Variants in BCL2 observed in about 807,000 individuals in gnomAD.
BCL2 encodes the protein apoptosis regulator Bcl-2.
Under a neutral mutation model 14.2 loss-of-function variants are expected in BCL2, and 1 was observed. That is an observed-to-expected ratio of 0.07 (90% CI 0.02 to 0.33). The LOEUF is 0.33. Among genes scored for constraint, BCL2 ranks in the 10% least tolerant of loss-of-function variants. The pLI is 0.99. For synonymous variants in BCL2, 151 were observed against 137.2 expected (o/e 1.10, Z -0.70); for missense variants, 247 against 305.9 (o/e 0.81, Z 1.44).
At chr18:63,287,494 G>C (rs1055304566) in intron 2 of BCL2, among the ~76,000 whole-genome samples, 2 of 152,144 alleles carry the variant, frequency 1.3e-5, no homozygotes, top group East Asian at 1.9e-4. Flanking sequence ...TAAGGGTTAG[G>C]GGGTGGCGGG....
intron 2 of BCL2, among the ~76,000 whole-genome samples, chr18:63,144,238 T>C (rs1914449234): frequency 6.6e-6 from 1 of 152,170 alleles, no homozygotes; most frequent in African/African-American, 2.4e-5. Flanking sequence ...AATCCAACCA[T>C]AGGCAAACCA....
chr18:63,243,687 C>T (rs1264420551), intron 2 of BCL2, among the ~76,000 whole-genome samples: 6 of 152,190 alleles, frequency 3.9e-5, no homozygotes, highest in Admixed American at 1.3e-4. Context: ...ATGGAGAACA[C>T]CTGATCTCCA....
intron 2 of BCL2, among the ~76,000 whole-genome samples, chr18:63,207,300 C>T (rs1909864146): frequency 6.6e-6 from 1 of 152,166 alleles, no homozygotes; most frequent in Non-Finnish European, 1.5e-5. Flanking sequence ...TGTACAGATC[C>T]ACAAAACTGC....
chr18:63,133,392 G>T (rs1191139345), intron 2 of BCL2, among the ~76,000 whole-genome samples: 1 of 135,662 alleles, frequency 7.4e-6, no homozygotes, highest in African/African-American at 2.7e-5. Flanking sequence ...CCAGGTTCAA[G>T]CAATTCTTCT....
At chr18:63,192,013 T>C (rs1466786460) in intron 2 of BCL2, among the ~76,000 whole-genome samples, 1 of 152,238 alleles carries the variant, frequency 6.6e-6, no homozygotes, top group African/African-American at 2.4e-5. Context: ...TGAACTACTA[T>C]GTGCAGGGTG....
chr18:63,169,357 C>CTTTCTTTCTTTCT (rs1915154565), intron 2 of BCL2, among the ~76,000 whole-genome samples: 1 of 61,422 alleles, frequency 1.6e-5, no homozygotes, highest in East Asian at 5.1e-4. Flanking sequence ...TTCTTTCTTT[C>CTTTCTTTCTTTCT]TTTCTTTCTT....
rs565734442 is a variant in BCL2 at position 63,140,272 on chromosome 18, A to C, written c.586-11513T>G. On this transcript the variant is annotated intron_variant, in intron 2 of 2. Transcript: ENST00000333681. The stretch of plus-strand genomic sequence containing the variant: ...TCAAAGAGTTAAACAGAGTCACCAC[A>C]TGACCCAGCAATTCAACTCCTAGTA... 4.6e-5 allele frequency among the ~76,000 whole-genome samples: 7 copies of C among 152,380 alleles called. No homozygotes were observed. The East Asian group carries it at 1.3e-3, about 29-fold the overall frequency.
At chr18:63,297,330 C>T (rs1007125329) in intron 2 of BCL2, among the ~76,000 whole-genome samples, 8 of 152,296 alleles carry the variant, frequency 5.3e-5, no homozygotes, top group African/African-American at 1.7e-4. Context: ...CACTTCAACA[C>T]AAAATTCTTA....
rs1402024940 is a variant in BCL2 at position 63,169,285 on chromosome 18, T to C, written c.586-40526A>G. ...CTTTCTTTCTTTCTTTCTTTCTTTCTTTCTTTCTTTCTTTCTTTCTTTCTT... is the reference window on the plus strand; with the variant it reads ...CTTTCTTTCTTTCTTTCTTTCTTTCCTTCTTTCTTTCTTTCTTTCTTTCTT... On this transcript the variant is annotated intron_variant, in intron 2 of 2. Coordinates refer to ENST00000333681, the MANE Select transcript of BCL2 (RefSeq NM_000633.3). Among the ~76,000 whole-genome samples the C allele has an allele frequency of 1.4e-3, 104 of 73,040 alleles. 8 individuals carry two copies. Among genetic ancestry groups the C allele is most frequent in the African/African-American group, 6.9e-3 (74 of 10,734 alleles). 47.9% of individuals were successfully genotyped at this position (73,040 alleles called of 152,430 possible).
intron 2 of BCL2, among the ~76,000 whole-genome samples, chr18:63,297,253 T>C (rs1912824567): frequency 6.6e-6 from 1 of 152,164 alleles, no homozygotes; most frequent in Non-Finnish European, 1.5e-5. Context: ...GAACCACATA[T>C]GTAATTTTAA....
intron 2 of BCL2, among the ~76,000 whole-genome samples, chr18:63,198,603 CACAG>C (rs1317010528): frequency 1.7e-4 from 26 of 151,912 alleles, no homozygotes; most frequent in Non-Finnish European, 2.1e-4. Context: ...GAGACACACA[CACAG>C]ACACACACTG....
At position 63,125,427 on chromosome 18, in the gene BCL2, G is replaced by A. The variant is rs377487726; in HGVS notation, c.*3198C>T. 3 of 222,188 alleles carry A rather than the reference G, an allele frequency of 1.4e-5. No homozygotes were observed. Among genetic ancestry groups the A allele is most frequent in the African/African-American group, 4.5e-5 (2 of 44,734 alleles). 13.8% of individuals were successfully genotyped at this position (222,188 alleles called of 1,614,324 possible). A position where few individuals can be genotyped will look rare whatever the true frequency, so the allele number is the denominator to read the frequency against. On this transcript the variant is annotated 3_prime_UTR_variant, in exon 3 of 3. Coordinates refer to ENST00000333681, the MANE Select transcript of BCL2 (RefSeq NM_000633.3). ...CTCTTGCGGAGTATTTGTGCAGCGA[G>A]GGACTGGGAGGGCCGAGGAGGTTCT...
At chr18:63,167,496 G>C (rs911499492) in intron 2 of BCL2, among the ~76,000 whole-genome samples, 8 of 152,132 alleles carry the variant, frequency 5.3e-5, no homozygotes, top group African/African-American at 2.4e-5. Flanking sequence ...AAATAGGACT[G>C]GGGCCAGGTG....
rs941789053 is a variant in BCL2, at chr18:63,127,350, T to A, written c.*1275A>T. 1 of 233,026 alleles carries A rather than the reference T, an allele frequency of 4.3e-6. No homozygotes were observed. Among genetic ancestry groups the A allele is most frequent in the African/African-American group, 2.2e-5 (1 of 45,198 alleles). The allele number at this position is 233,026 out of a possible 1,614,324, so 14.4% of individuals were successfully genotyped here. A position where few individuals can be genotyped will look rare whatever the true frequency, so the allele number is the denominator to read the frequency against. ...CTCCTCACGTTCCCAGCCTTCACCA[T>A]GTCCTTCTGATAGGAAGGGCCCAGG... is the stretch of plus-strand genomic sequence containing the variant. On this transcript the variant is annotated 3_prime_UTR_variant, in exon 3 of 3. Transcript: ENST00000333681.
At chr18:63,267,316 C>T (rs1911861113) in intron 2 of BCL2, among the ~76,000 whole-genome samples, 1 of 152,044 alleles carries the variant, frequency 6.6e-6, no homozygotes, top group South Asian at 2.1e-4. Context: ...GGCAGAGAGG[C>T]CAGCTGGAGA....
rs775896255 is a variant in BCL2, at chr18:63,283,035, T to C, written c.585+35047A>G. On this transcript the variant is annotated intron_variant, in intron 2 of 2. Transcript: ENST00000333681. ...GGGCTTCTTTCTGAGAAATTCTCCATTGGTTCTGAGAAGTACTTCTATTGA... is the reference window on the plus strand; with the variant it reads ...GGGCTTCTTTCTGAGAAATTCTCCACTGGTTCTGAGAAGTACTTCTATTGA... Among the ~76,000 whole-genome samples, 3 of 152,234 alleles carry C rather than the reference T, an allele frequency of 2.0e-5. No homozygotes were observed. The East Asian group carries it at 5.8e-4, about 29-fold the overall frequency.
intron 2 of BCL2, among the ~76,000 whole-genome samples, chr18:63,170,106 G>T (rs117451350): frequency 6.6e-6 from 1 of 152,200 alleles, no homozygotes; most frequent in Non-Finnish European, 1.5e-5. Context: ...CCTTGCGCAA[G>T]CTGCTAAATG....
chr18:63,212,575 CAAAT>C (rs1910062561), intron 2 of BCL2, among the ~76,000 whole-genome samples: 1 of 149,850 alleles, frequency 6.7e-6, no homozygotes, highest in Admixed American at 6.7e-5. Flanking sequence ...CAAGCTTTCT[CAAAT>C]AAAAGTTGCT....
intron 2 of BCL2, among the ~76,000 whole-genome samples, chr18:63,288,656 A>AG (rs1912542698): frequency 6.6e-6 from 1 of 152,366 alleles, no homozygotes; most frequent in Admixed American, 6.5e-5. Context: ...GGAGAAAAGA[A>AG]GTAGAGTTTT....
Sources: allele counts gnomAD v4.1 joint callset (sites outside exome capture counted in the v4.1 genomes callset), GRCh38; gene constraint gnomAD v4.1.1; transcripts MANE v1.5; gene names NCBI Gene and HGNC (gene_info 2026-07-23, HGNC 2026-07-21).